DOCK7: variants seen among roughly 807,000 people sequenced by gnomAD.
DOCK7 encodes the protein dedicator of cytokinesis protein 7.
A neutral mutation model predicts 271.0 loss-of-function variants in DOCK7; 138 were observed. That is an observed-to-expected ratio of 0.51 (90% confidence interval 0.44 to 0.59). DOCK7 has a LOEUF of 0.59. Ranked by LOEUF, DOCK7 falls within the 20% of genes least tolerant of loss-of-function variation. The pLI, the probability that DOCK7 is intolerant of heterozygous loss-of-function variation, is 0.00. For missense variants in DOCK7, 2,066 were observed against 2,592.4 expected (o/e 0.80, Z 4.41); for synonymous variants, 823 against 876.1 (o/e 0.94, Z 1.07).
In DOCK7 at chr1:62,455,258, C is replaced by G. The variant is rs1266008608; in HGVS notation, c.*156G>C. ...AGAAACCATAGCCATGATTCTCAAG[C>G]GTTAACAATCTACATTTGATATTTT... On this transcript the variant is annotated 3_prime_UTR_variant, in exon 50 of 50. Coordinates refer to ENST00000635253, the MANE Select transcript of DOCK7 (RefSeq NM_001367561.1). The G allele has an allele frequency of 7.6e-6, 6 of 789,528 alleles. No individual in the cohort carries two copies. The highest frequency in any genetic ancestry group is 2.2e-4 in the Middle Eastern group (1 of 4,498). 48.9% of individuals were successfully genotyped at this position (789,528 alleles called of 1,614,324 possible). A position where few individuals can be genotyped will look rare whatever the true frequency, so the allele number is the denominator to read the frequency against.
chr1:62,633,901 T>G (rs537896634), intron 9 of DOCK7: 2 of 197,272 alleles, frequency 1.0e-5, no homozygotes, highest in Admixed American at 5.9e-5. Context: ...TAGCCTCACC[T>G]ATTAGGCATA....
rs1039966042 is a variant in DOCK7 at position 62,506,939 on chromosome 1, C to G, written c.4476+1023G>C. Among the ~76,000 whole-genome samples the G allele has an allele frequency of 2.2e-5, 3 of 137,428 alleles. No homozygotes were observed. In the Admixed American group the frequency reaches 2.3e-4, roughly 11 times the overall value. 90.2% of individuals were successfully genotyped at this position (137,428 alleles called of 152,430 possible). ...TCCAGCCTGGGCAACAAGAGCGAAA[C>G]TCCACCTCAAAAATAAATAAATAAA... On this transcript the variant is annotated intron_variant, in intron 35 of 49. Coordinates refer to ENST00000635253, the MANE Select transcript of DOCK7 (RefSeq NM_001367561.1).
intron 48 of DOCK7, among the ~76,000 whole-genome samples, chr1:62,460,648 G>A (rs1488813709): frequency 2.7e-5 from 4 of 148,776 alleles, no homozygotes; most frequent in South Asian, 2.1e-4. Flanking sequence ...CACCCTCCAA[G>A]TATTTTTCTT....
At chr1:62,533,945 T>C (rs1645257505) in intron 29 of DOCK7, among the ~76,000 whole-genome samples, 1 of 152,114 alleles carries the variant, frequency 6.6e-6, no homozygotes, top group South Asian at 2.1e-4. Context: ...AAATGAGTTA[T>C]GGTCATACTA....
At chr1:62,678,462 G>A (rs1660761309) in intron 1 of DOCK7, among the ~76,000 whole-genome samples, 1 of 152,054 alleles carries the variant, frequency 6.6e-6, no homozygotes, top group African/African-American at 2.4e-5. Context: ...ACCTGACAGA[G>A]CAAATTATAA....
chr1:62,612,056 T>A (rs550074677), intron 14 of DOCK7, among the ~76,000 whole-genome samples: 1 of 151,582 alleles, frequency 6.6e-6, no homozygotes, highest in South Asian at 2.1e-4. Context: ...CTTGGGAGGC[T>A]GAGGCAGGAA....
intron 25 of DOCK7, among the ~76,000 whole-genome samples, chr1:62,540,547 G>A (rs1645495204): frequency 6.6e-6 from 1 of 152,116 alleles, no homozygotes; most frequent in South Asian, 2.1e-4. Flanking sequence ...TCTAAGCTTT[G>A]AAAGGTTAGA....
At chr1:62,675,121 A>C (rs947704224) in intron 1 of DOCK7, among the ~76,000 whole-genome samples, 4 of 152,216 alleles carry the variant, frequency 2.6e-5, no homozygotes, top group African/African-American at 9.6e-5. Flanking sequence ...TCCCACTGAA[A>C]AATGAATAAG....
chr1:62,576,455 A>G (rs1472257), intron 18 of DOCK7, among the ~76,000 whole-genome samples: 88,113 of 152,080 alleles, frequency 0.58, 27,336 homozygotes, highest in East Asian at 0.76. Context: ...CTATGTGGCT[A>G]TCAAAAGTGA....
In DOCK7 at chr1:62,625,272, T is replaced by A; in HGVS notation, c.1412A>T (p.Asn471Ile). ...SFRPATLTVT[N>I]FFKQEGDRLS... Reference sequence around the variant, plus strand: ...ACAGAACAATACCTGCTTAAAAAAATTTGTCACTGTGAGAGTAGCTGGTCG... The same window carrying A: ...ACAGAACAATACCTGCTTAAAAAAAATTGTCACTGTGAGAGTAGCTGGTCG... Residue 471 changes from asparagine (N) to isoleucine (I), a missense_variant, in exon 12 of 50, where the codon AAT becomes ATT. By Grantham distance (149) the Asn-to-Ile change is moderately radical (BLOSUM62 -3). Around this residue, in one of 2 missense-constraint regions of DOCK7, gnomAD observed 1,414 missense variants for 1,670.4 expected, o/e 0.85. Transcript: ENST00000635253. 3.7e-6 allele frequency: 6 copies of A among 1,613,796 alleles called. No homozygotes were observed. The highest frequency in any genetic ancestry group is 5.1e-6 in the Non-Finnish European group (6 of 1,179,896).
chr1:62,526,843 T>C (rs1645024982), intron 31 of DOCK7, among the ~76,000 whole-genome samples: 1 of 152,164 alleles, frequency 6.6e-6, no homozygotes, highest in South Asian at 2.1e-4. Context: ...TAGTAAATAA[T>C]TTCATTTATA....
intron 16 of DOCK7, among the ~76,000 whole-genome samples, chr1:62,580,264 TAAAC>T (rs1344140017): frequency 6.6e-6 from 1 of 152,058 alleles, no homozygotes. Context: ...CTTTTGATAA[TAAAC>T]AAGAAAGATA....
intron 28 of DOCK7, among the ~76,000 whole-genome samples, 175 bp from the exon 29 acceptor site, chr1:62,535,807 TTTA>T (rs1390523464): frequency 6.6e-6 from 1 of 152,258 alleles, no homozygotes; most frequent in African/African-American, 2.4e-5. Context: ...ATGAGATTGC[TTTA>T]TTAAGTTAAT....
chr1:62,532,884 G>T (rs1053934270), intron 29 of DOCK7, among the ~76,000 whole-genome samples: 7 of 152,126 alleles, frequency 4.6e-5, no homozygotes, highest in Non-Finnish European at 8.8e-5. Flanking sequence ...AGAGTGGCAG[G>T]AGTAGACAAG....
intron 1 of DOCK7, among the ~76,000 whole-genome samples, chr1:62,669,464 C>T (rs1659685051): frequency 6.6e-6 from 1 of 152,208 alleles, no homozygotes; most frequent in South Asian, 2.1e-4. Context: ...GAGGAATAGA[C>T]AAGAAAACTT....
chr1:62,597,538 G>T (rs775532151), intron 14 of DOCK7: 2 of 1,610,838 alleles, frequency 1.2e-6, no homozygotes, highest in Non-Finnish European at 1.7e-6. Flanking sequence ...ACAGTTCCAC[G>T]TTGCTTGAAA....
intron 13 of DOCK7, among the ~76,000 whole-genome samples, chr1:62,619,678 G>C (rs7550508): frequency 1.3e-4 from 20 of 152,146 alleles, no homozygotes; most frequent in Admixed American, 8.5e-4. Context: ...GAAACAATAG[G>C]TAAGTGGGGA....
intron 41 of DOCK7, among the ~76,000 whole-genome samples, chr1:62,489,739 C>T (rs1037938333): frequency 2.6e-5 from 4 of 152,094 alleles, no homozygotes; most frequent in African/African-American, 9.7e-5. Context: ...CTTATCTATG[C>T]TTATAATCTT....
intron 18 of DOCK7, among the ~76,000 whole-genome samples, chr1:62,568,162 A>C (rs572921454): frequency 6.6e-6 from 1 of 152,332 alleles, no homozygotes; most frequent in African/African-American, 2.4e-5. Flanking sequence ...TGGGTAAATA[A>C]TGAAATTAGG....
Sources: allele counts gnomAD v4.1 joint callset (sites outside exome capture counted in the v4.1 genomes callset), GRCh38; gene constraint gnomAD v4.1.1; regional missense constraint gnomAD v4.1.1; transcripts MANE v1.5; gene names NCBI Gene and HGNC (gene_info 2026-07-23, HGNC 2026-07-21).